ZNF469: variants seen among roughly 807,000 people sequenced by gnomAD.
The protein encoded by ZNF469 is zinc finger protein 469.
ZNF469 carries 1 observed loss-of-function variant against 1.0 expected under a neutral mutation model. That is an observed-to-expected ratio of 1.00 (90% CI 0.35 to 4.73). The LOEUF (loss-of-function observed/expected upper bound fraction) is 4.73. Among genes scored for constraint, ZNF469 ranks in the 30% most tolerant of loss-of-function variants. ZNF469 has a pLI of 0.16. For missense variants in ZNF469, 6,100 were observed against 5,356.3 expected, an observed-to-expected ratio of 1.14 and a Z score of -4.33; for synonymous variants, 2,703 against 2,363.4, an observed-to-expected ratio of 1.14 and a Z score of -4.17.
chr16:88,281,191 C>T, the ZNF469 span, among the ~76,000 whole-genome samples: 1 of 136,046 alleles, frequency 7.4e-6, no homozygotes. Context: ...CAGGTTAGTG[C>T]TGTGCTATGC....
At chr16:88,116,589 C>T in the ZNF469 span, among the ~76,000 whole-genome samples, 1 of 152,356 alleles carries the variant, frequency 6.6e-6, no homozygotes, top group African/African-American at 2.4e-5. Flanking sequence ...TGGAGACAAC[C>T]CAAGCGTCCT....
the ZNF469 span, among the ~76,000 whole-genome samples, chr16:88,281,145 C>T: frequency 6.9e-6 from 1 of 145,798 alleles, no homozygotes; most frequent in African/African-American, 2.5e-5. Flanking sequence ...CTGTGCCACA[C>T]TGATGCTTGG....
In ZNF469 at chr16:88,386,203, G is replaced by A. The variant is rs571534284; in HGVS notation, c.-192+2949G>A. On this transcript the variant is annotated intron_variant, in intron 1 of 2. Coordinates refer to ENST00000565624, the MANE Select transcript of ZNF469 (RefSeq NM_001367624.2). ...TCATTCTAGACCTGCAGGGTGGGGA[G>A]GAGACCTGGGAGAGTGTGACCAGCC... is the stretch of plus-strand genomic sequence containing the variant. Among the ~76,000 whole-genome samples the A allele has an allele frequency of 7.2e-5, 11 of 152,248 alleles. No individual in the cohort carries two copies. The South Asian group carries it at 2.1e-3, about 29-fold the overall frequency.
chr16:88,429,701 C>G lies in ZNF469; in HGVS notation c.2231C>G (p.Ala744Gly). ...RQCDRNYSSL[A>G]AFLAHRQFCG... ...TGTGACCGCAACTACAGCAGCCTGG[C>G]GGCCTTCCTGGCCCACCGGCAGTTC... The change falls in exon 3 of 3, where the codon GCG becomes GGG. Residue 744 changes from alanine (A) to glycine (G), a missense_variant. Physicochemically the swap from Ala to Gly is moderately conservative, Grantham distance 60 (BLOSUM62 0). Transcript: ENST00000565624. 1 of 1,542,312 alleles carries G rather than the reference C, an allele frequency of 6.5e-7. No individual in the cohort carries two copies. Among genetic ancestry groups the G allele is most frequent in the African/African-American group, 1.4e-5 (1 of 73,008 alleles).
In ZNF469 at chr16:88,435,043, C is replaced by G. The variant is rs574478833; in HGVS notation, c.7573C>G (p.Pro2525Ala). ...AGAGCCCCTAGCCCAAAAGTGCCAGCCGCCCAGGAAGAAAAGCCACAGGGT... is the reference window on the plus strand; with the variant it reads ...AGAGCCCCTAGCCCAAAAGTGCCAGGCGCCCAGGAAGAAAAGCCACAGGGT... The part of the protein sequence containing the change: ...PLEPLAQKCQ[P>A]PRKKSHRVSG... The change falls in exon 3 of 3, where the codon CCG becomes GCG. Residue 2525 changes from proline to alanine, a missense_variant. By Grantham distance (27) the Pro-to-Ala change is conservative. Coordinates refer to ENST00000565624, the MANE Select transcript of ZNF469 (RefSeq NM_001367624.2). 1.1e-4 allele frequency: 163 copies of G among 1,550,374 alleles called. No individual in the cohort carries two copies. In the African/African-American group the frequency reaches 2.1e-3, roughly 20 times the overall value.
chr16:88,204,176 C>T, the ZNF469 span, among the ~76,000 whole-genome samples: 134 of 146,188 alleles, frequency 9.2e-4, 1 homozygote, highest in African/African-American at 3.3e-3. Flanking sequence ...CGTAACCCCA[C>T]AGAGCAGCCG....
the ZNF469 span, among the ~76,000 whole-genome samples, chr16:88,284,422 C>A: frequency 1.3e-5 from 2 of 152,072 alleles, no homozygotes; most frequent in African/African-American, 4.8e-5. Flanking sequence ...TTGAGACCAG[C>A]CTGAGCAACA....
At chr16:88,412,386 G>A (rs893879078) in intron 1 of ZNF469, among the ~76,000 whole-genome samples, 2 of 151,594 alleles carry the variant, frequency 1.3e-5, no homozygotes, top group African/African-American at 2.4e-5. Flanking sequence ...CAGGCACCTC[G>A]CTTAACCTCT....
rs1906536103 is a variant in ZNF469 at position 88,435,893 on chromosome 16, C to G, written c.8423C>G (p.Ser2808Cys). 6 of 1,550,130 alleles carry G rather than the reference C, an allele frequency of 3.9e-6. No homozygotes were observed. In the East Asian group the frequency reaches 7.3e-5, roughly 19 times the overall value. Residue 2808 changes from serine (S) to cysteine (C), a missense_variant, in exon 3 of 3, where the codon TCT (serine) becomes TGT (cysteine). Transcript: ENST00000565624. ...CTGGGTTTTCCCGAGACTTCCAGCT[C>G]TCCGGCGGACAGCACCACCAGCAGC... is the stretch of plus-strand genomic sequence containing the variant. ...GPLGFPETSSSPADSTTSSCL... is the reference protein window; with the variant it reads ...GPLGFPETSSCPADSTTSSCL...
the ZNF469 span, among the ~76,000 whole-genome samples, chr16:88,334,491 T>G: frequency 2.0e-5 from 3 of 152,126 alleles, no homozygotes; most frequent in African/African-American, 4.8e-5. Context: ...CAAACAATTT[T>G]GGGTTCTGGG....
At chr16:88,224,756 CGTGT>C in the ZNF469 span, among the ~76,000 whole-genome samples, 9 of 150,978 alleles carry the variant, frequency 6.0e-5, no homozygotes, top group African/African-American at 1.5e-4. Context: ...TAAGTGTGCA[CGTGT>C]GTGTCTGTAA....
At chr16:88,377,751 G>A in the ZNF469 span, among the ~76,000 whole-genome samples, 1 of 151,882 alleles carries the variant, frequency 6.6e-6, no homozygotes, top group Admixed American at 6.6e-5. Flanking sequence ...CTGGCATCCT[G>A]TACCCACACA....
At chr16:88,224,207 C>T in the ZNF469 span, among the ~76,000 whole-genome samples, 2 of 152,206 alleles carry the variant, frequency 1.3e-5, no homozygotes, top group Admixed American at 1.3e-4. Context: ...TGGAGGAAGA[C>T]ACGCGGCCAC....
In ZNF469 at chr16:88,435,119, C is replaced by G. The variant is rs1906478151; in HGVS notation, c.7649C>G (p.Thr2550Ser). Residue 2550 changes from threonine to serine, a missense_variant, in exon 3 of 3, where the codon ACC (threonine) becomes AGC (serine). Coordinates refer to ENST00000565624, the MANE Select transcript of ZNF469 (RefSeq NM_001367624.2). Reference protein sequence around the residue: ...NHSRGDPSHVTQPPPAQGSKE... With the variant: ...NHSRGDPSHVSQPPPAQGSKE... Reference sequence around the variant, plus strand: ...TCACGGGGAGACCCCAGCCACGTCACCCAGCCACCGCCTGCCCAGGGCTCA... The same window carrying G: ...TCACGGGGAGACCCCAGCCACGTCAGCCAGCCACCGCCTGCCCAGGGCTCA... The G allele has an allele frequency of 6.5e-7, 1 of 1,550,268 alleles. No individual in the cohort carries two copies. The highest frequency in any genetic ancestry group is 1.4e-5 in the African/African-American group (1 of 73,038).
the ZNF469 span, among the ~76,000 whole-genome samples, chr16:88,137,247 C>T: frequency 6.6e-6 from 1 of 152,128 alleles, no homozygotes; most frequent in South Asian, 2.1e-4. Flanking sequence ...ATGCATAGAG[C>T]CATGTATGTG....
chr16:88,223,018 C>T, the ZNF469 span, among the ~76,000 whole-genome samples: 1 of 152,230 alleles, frequency 6.6e-6, no homozygotes, highest in African/African-American at 2.4e-5. Context: ...TTAAAACCTG[C>T]CACACAAGGG....
chr16:88,296,592 A>G, the ZNF469 span, among the ~76,000 whole-genome samples: 4 of 152,266 alleles, frequency 2.6e-5, no homozygotes, highest in South Asian at 6.2e-4. Flanking sequence ...ATATGCACAC[A>G]CATGCACACT....
the ZNF469 span, among the ~76,000 whole-genome samples, chr16:88,261,318 C>T: frequency 6.6e-6 from 1 of 152,216 alleles, no homozygotes; most frequent in Non-Finnish European, 1.5e-5. This position sits in a 1 kb window ranked among gnomAD's most constrained non-coding sequence, Gnocchi z 6.0. Flanking sequence ...GCACCACCTG[C>T]CCCTCCCTGT....
At chr16:88,211,707 C>A in the ZNF469 span, among the ~76,000 whole-genome samples, 2 of 152,164 alleles carry the variant, frequency 1.3e-5, no homozygotes, top group Non-Finnish European at 2.9e-5. Flanking sequence ...CTGTTTTTAT[C>A]TTTTTCTGGA....
Sources: allele counts gnomAD v4.1 joint callset (sites outside exome capture counted in the v4.1 genomes callset), GRCh38; gene constraint gnomAD v4.1.1; non-coding constraint Gnocchi (gnomAD v3.1); transcripts MANE v1.5; gene names NCBI Gene and HGNC (gene_info 2026-07-23, HGNC 2026-07-21).